Variants in ZNF695 observed in about 807,000 individuals in gnomAD.
ZNF695 encodes the protein zinc finger protein SBZF3.
Under a neutral mutation model 11.2 loss-of-function variants are expected in ZNF695, and 11 were observed. The observed-to-expected ratio is 0.98, with a 90% CI of 0.62 to 1.62. The LOEUF is 1.62. Among genes scored for constraint, ZNF695 ranks in the 40% most tolerant of loss-of-function variants. The probability of loss-of-function intolerance (pLI) is 0.00; values close to 1 mark genes in which losing one functional copy is unlikely to be tolerated. For synonymous variants in ZNF695, 190 were observed against 201.4 expected, an observed-to-expected ratio of 0.94 and a Z score of 0.48; for missense variants, 559 against 590.5, an observed-to-expected ratio of 0.95 and a Z score of 0.55.
chr1:246,983,054 A>G (rs955132238), downstream of ZNF695, among the ~76,000 whole-genome samples: 5 of 152,002 alleles, frequency 3.3e-5, no homozygotes, highest in African/African-American at 1.2e-4. Flanking sequence ...ATACAAAAAA[A>G]TTAGCCGGGT....
intron 4 of ZNF695, among the ~76,000 whole-genome samples, chr1:246,974,710 T>C (rs898841840): frequency 1.3e-5 from 2 of 152,148 alleles, no homozygotes; most frequent in African/African-American, 4.8e-5. Flanking sequence ...AATGCAGATA[T>C]GGAATAGCAG....
intron 1 of ZNF695, among the ~76,000 whole-genome samples, chr1:247,006,525 G>A (rs1445423784): frequency 6.6e-6 from 1 of 152,190 alleles, no homozygotes. Context: ...CAGGAGAATC[G>A]CTTGAACCTG....
At chr1:246,993,225 G>A (rs573367908) in intron 3 of ZNF695, among the ~76,000 whole-genome samples, 2 of 152,206 alleles carry the variant, frequency 1.3e-5, no homozygotes, top group East Asian at 3.9e-4. Context: ...TGGCCAACAC[G>A]GTGAAACCAC....
chr1:246,979,568 C>T (rs1271963331), intron 4 of ZNF695, among the ~76,000 whole-genome samples: 1 of 152,102 alleles, frequency 6.6e-6, no homozygotes, highest in Non-Finnish European at 1.5e-5. Flanking sequence ...TAATTGATAG[C>T]CTCAGAAATG....
intron 1 of ZNF695, 40 bp downstream of exon 1, chr1:247,007,866 C>T (rs754668290): frequency 3.3e-6 from 5 of 1,536,992 alleles, no homozygotes; most frequent in Non-Finnish European, 3.5e-6. Context: ...TTCCAACCAC[C>T]CCCTCTCCCT....
chr1:246,978,101 C>G (rs1389494555), intron 4 of ZNF695, among the ~76,000 whole-genome samples: 1 of 152,204 alleles, frequency 6.6e-6, no homozygotes, highest in East Asian at 1.9e-4. Flanking sequence ...AAACATTTCT[C>G]TGTAGCAGAA....
chr1:246,987,937 G>C lies in ZNF695; in HGVS notation c.578C>G (p.Ser193Cys), dbSNP rs1245792727. The change falls in exon 4 of 4, where the codon TCT becomes TGT. Residue 193 changes from serine to cysteine, a missense_variant. Coordinates refer to ENST00000339986, the MANE Select transcript of ZNF695 (RefSeq NM_020394.5). The stretch of plus-strand genomic sequence containing the variant: ...TTGAGTCATTATTAAAGACATGCAA[G>C]AGACATTGCCACATTCTTTGCATTT... The part of the protein sequence containing the change: ...PFKCKECGNV[S>C]CMSLIMTQQQ... 1.9e-6 allele frequency: 3 copies of C among 1,611,550 alleles called. No individual in the cohort carries two copies.
rs748553970 is a variant in ZNF695 at position 246,988,169 on chromosome 1, T to C, written c.346A>G (p.Arg116Gly). ...FQKVMLRRYE[R>G]CCLEKLRLRN... is the part of the protein sequence containing the mutation. ...AAGCGTAATTTCTCAAGACAACATC[T>C]TTCATATCTTCTCAGCATCACTTTT... Residue 116 changes from arginine to glycine, a missense_variant, in exon 4 of 4, where the codon AGA becomes GGA. By Grantham distance (125) the Arg-to-Gly change is moderately radical. Transcript: ENST00000339986. 1 of 1,612,796 alleles carries C rather than the reference T, an allele frequency of 6.2e-7. No homozygotes were observed.
chr1:246,987,428 G>T lies in ZNF695; in HGVS notation c.1087C>A (p.Gln363Lys), dbSNP rs762174417. Residue 363 changes from glutamine (Q) to lysine (K), a missense_variant, in exon 4 of 4, where the codon CAG becomes AAG. Coordinates refer to ENST00000339986, the MANE Select transcript of ZNF695 (RefSeq NM_020394.5). Reference protein sequence around the residue: ...RCEECGKAFNQSSHLTEHRRI... With the variant: ...RCEECGKAFNKSSHLTEHRRI... ...CTATGTTCAGTCAGATGTGAGCTCT[G>T]GTTAAAGGCTTTTCCACATTCTTCA... The T allele has an allele frequency of 1.7e-5, 28 of 1,611,916 alleles. No homozygotes were observed. The highest frequency in any genetic ancestry group is 3.3e-5 in the Admixed American group (2 of 59,766).
At chr1:246,973,712 A>G (rs1300127979) in intron 4 of ZNF695, among the ~76,000 whole-genome samples, 1 of 152,228 alleles carries the variant, frequency 6.6e-6, no homozygotes, top group Non-Finnish European at 1.5e-5. Flanking sequence ...ACAACTTGAA[A>G]AAGGCATCTT....
At chr1:247,000,430 A>G (rs1182890584) in intron 1 of ZNF695, among the ~76,000 whole-genome samples, 1 of 151,924 alleles carries the variant, frequency 6.6e-6, no homozygotes, top group Non-Finnish European at 1.5e-5. Flanking sequence ...GCTTGAAGCC[A>G]AGCTGCAGTG....
At chr1:246,961,536 T>C (rs12091757) in intron 5 of ZNF695, among the ~76,000 whole-genome samples, 7,849 of 152,212 alleles carry the variant, frequency 0.052, 691 homozygotes, top group African/African-American at 0.18. Context: ...TCTTCATACG[T>C]ACAGGAAGGC....
intron 3 of ZNF695, among the ~76,000 whole-genome samples, chr1:246,991,372 C>A (rs1225497508): frequency 6.6e-6 from 1 of 152,044 alleles, no homozygotes; most frequent in Non-Finnish European, 1.5e-5. Flanking sequence ...GAAAACTACT[C>A]ATTTGACAAG....
At chr1:246,960,504 G>A (rs974044203) in intron 5 of ZNF695, among the ~76,000 whole-genome samples, 15 of 152,182 alleles carry the variant, frequency 9.9e-5, no homozygotes, top group African/African-American at 2.6e-4. Context: ...CTATATATAT[G>A]CCCCAGAGAA....
At chr1:246,981,810 T>C (rs1322414675), downstream of ZNF695, among the ~76,000 whole-genome samples, 1 of 152,154 alleles carries the variant, frequency 6.6e-6, no homozygotes, top group Non-Finnish European at 1.5e-5. Flanking sequence ...AGGAAATTGT[T>C]TTAATCCAAA....
At position 246,985,470 on chromosome 1, in the gene ZNF695, A is replaced by G. The variant is rs1668822351; in HGVS notation, c.*1497T>C. On this transcript the variant is annotated 3_prime_UTR_variant, in exon 4 of 4. Transcript: ENST00000339986. ...AATGCCACTGGGAGAAGGGATCATT[A>G]GAGATACTATTCCACCATGTTACCC... The G allele has an allele frequency of 1.0e-6, 1 of 985,282 alleles. No homozygotes were observed. The highest frequency in any genetic ancestry group is 4.7e-5 in the South Asian group (1 of 21,292). The allele number at this position is 985,282 out of a possible 1,614,324, so 61.0% of individuals were successfully genotyped here. A position where few individuals can be genotyped will look rare whatever the true frequency, so the allele number is the denominator to read the frequency against.
chr1:247,006,953 G>A (rs1441904024), intron 1 of ZNF695, among the ~76,000 whole-genome samples: 2 of 152,178 alleles, frequency 1.3e-5, no homozygotes, highest in Admixed American at 1.3e-4. Context: ...AAAACAAAAC[G>A]TAGGCTTAAC....
At chr1:246,963,131 C>T (rs1437642290) in intron 5 of ZNF695, among the ~76,000 whole-genome samples, 1 of 152,238 alleles carries the variant, frequency 6.6e-6, no homozygotes, top group East Asian at 1.9e-4. Context: ...ACTCCTTCTG[C>T]CTTTAGTGCT....
At chr1:246,979,998 GTC>G (rs1668663912) in intron 4 of ZNF695, 2 of 127,214 alleles carry the variant, frequency 1.6e-5, no homozygotes, top group Admixed American at 9.5e-5. Flanking sequence ...GTGAAACCCC[GTC>G]TCTACTAAAA....
Sources: allele counts gnomAD v4.1 joint callset (sites outside exome capture counted in the v4.1 genomes callset), GRCh38; gene constraint gnomAD v4.1.1; transcripts MANE v1.5; gene names NCBI Gene and HGNC (gene_info 2026-07-23, HGNC 2026-07-21).